ADGRL4: variants seen among roughly 807,000 people sequenced by gnomAD.
ADGRL4 encodes EGF, latrophilin and seven transmembrane domain containing 1.
A neutral mutation model predicts 74.8 loss-of-function variants in ADGRL4; 90 were observed. The observed-to-expected ratio is 1.20, with a 90% CI of 1.02 to 1.43. The LOEUF (loss-of-function observed/expected upper bound fraction) is 1.43. Ranked by LOEUF, ADGRL4 falls within the 40% of genes most tolerant of loss-of-function variation. ADGRL4 has a pLI of 0.00. For synonymous variants in ADGRL4, 311 were observed against 279.2 expected, an observed-to-expected ratio of 1.11 and a Z score of -1.14; for missense variants, 881 against 814.3, an observed-to-expected ratio of 1.08 and a Z score of -1.00.
chr1:78,891,145 T>A lies in ADGRL4; in HGVS notation c.*9A>T, dbSNP rs1263032962. 17 of 1,611,256 alleles carry A rather than the reference T, an allele frequency of 1.1e-5. No homozygotes were observed. The highest frequency in any genetic ancestry group is 1.4e-5 in the Non-Finnish European group (17 of 1,178,158). Reference sequence around the variant, plus strand: ...TTGTGCAGTTGTAATTATCCACCATTCTCTATGTTTACCTTAAACATCCAA... The same window carrying A: ...TTGTGCAGTTGTAATTATCCACCATACTCTATGTTTACCTTAAACATCCAA... On this transcript the variant is annotated 3_prime_UTR_variant, in exon 15 of 15. Transcript: ENST00000370742.
intron 12 of ADGRL4, 71 bp from the exon 13 acceptor site, chr1:78,893,260 T>G: frequency 1.1e-6 from 1 of 898,700 alleles, no homozygotes; most frequent in East Asian, 2.6e-5. Context: ...AGAAAATAAA[T>G]GGTAAAGATT....
chr1:78,892,339 C>T (rs927918262), intron 13 of ADGRL4, among the ~76,000 whole-genome samples: 4 of 152,224 alleles, frequency 2.6e-5, no homozygotes, highest in Non-Finnish European at 4.4e-5. Flanking sequence ...AGCAGAATGC[C>T]TGTGACTTTT....
At chr1:79,004,309 GGAT>G (rs1266219735) in intron 2 of ADGRL4, among the ~76,000 whole-genome samples, 2 of 151,936 alleles carry the variant, frequency 1.3e-5, no homozygotes, top group African/African-American at 4.8e-5. Flanking sequence ...GTTGGTCTAT[GGAT>G]CCAGTTAAAA....
chr1:78,974,592 G>T (rs941024249), intron 2 of ADGRL4, among the ~76,000 whole-genome samples: 1 of 152,084 alleles, frequency 6.6e-6, no homozygotes, highest in Admixed American at 6.6e-5. Context: ...AGATTTAGAC[G>T]TTGGAGACCA....
chr1:79,001,474 G>T (rs1177020657), intron 2 of ADGRL4, among the ~76,000 whole-genome samples: 1 of 152,064 alleles, frequency 6.6e-6, no homozygotes, highest in Non-Finnish European at 1.5e-5. Context: ...AAGCTACTAT[G>T]AAAAATAGCT....
In ADGRL4 at chr1:78,893,127, T is replaced by C. The variant is rs540641856; in HGVS notation, c.1812A>G (p.Lys604=). The C allele has an allele frequency of 8.1e-6, 13 of 1,599,980 alleles. No individual in the cohort carries two copies. The highest frequency in any genetic ancestry group is 1.1e-5 in the Non-Finnish European group (13 of 1,174,846). The change falls in exon 13 of 15, where the codon AAA becomes AAG. Residue 604 remains lysine (K), a synonymous_variant. Transcript: ENST00000370742. ...TGTTCTCAAAGCAACTAACTTCTGGTTTCAACCCTGCAGTGTGACGAAAAA... is the reference window on the plus strand; with the variant it reads ...TGTTCTCAAAGCAACTAACTTCTGGCTTCAACCCTGCAGTGTGACGAAAAA... ...YKVFRHTAGL[K]PEVSCFENIR...
chr1:79,005,165 G>A lies in ADGRL4; in HGVS notation c.77C>T (p.Pro26Leu), dbSNP rs1650932557. ...TTCACATTTTGCATTTGGGAGACAA[G>A]GTGTCTTGGTGCAATTTTGAGTATA... ...CSYTQNCTKT[P>L]CLPNAKCEIR... The change falls in exon 2 of 15, where the codon CCT becomes CTT. Residue 26 changes from proline (P) to leucine (L), a missense_variant. Coordinates refer to ENST00000370742, the MANE Select transcript of ADGRL4 (RefSeq NM_022159.4). 2 of 1,613,194 alleles carry A rather than the reference G, an allele frequency of 1.2e-6. No individual in the cohort carries two copies. Among genetic ancestry groups the A allele is most frequent in the African/African-American group, 1.3e-5 (1 of 74,836 alleles).
chr1:78,929,459 T>G (rs1649194584), intron 7 of ADGRL4, among the ~76,000 whole-genome samples: 1 of 151,432 alleles, frequency 6.6e-6, no homozygotes, highest in Non-Finnish European at 1.5e-5. Context: ...AAGACTGCAG[T>G]GAGCCATGAT....
intron 12 of ADGRL4, among the ~76,000 whole-genome samples, chr1:78,902,965 T>C (rs1648549301): frequency 6.6e-6 from 1 of 152,158 alleles, no homozygotes; most frequent in African/African-American, 2.4e-5. Context: ...TATAATCATT[T>C]CATGATAGTG....
chr1:78,925,253 C>G (rs1649087591), intron 8 of ADGRL4, among the ~76,000 whole-genome samples: 1 of 151,896 alleles, frequency 6.6e-6, no homozygotes. Context: ...TGACCATGAG[C>G]AAATTATTTA....
intron 2 of ADGRL4, among the ~76,000 whole-genome samples, chr1:78,993,456 A>G (rs115536262): frequency 0.017 from 2,517 of 152,300 alleles, 70 homozygotes; most frequent in African/African-American, 0.058. Context: ...GTTCATTGGA[A>G]GTGAATGATA....
At chr1:79,003,564 CA>C (rs989562269) in intron 2 of ADGRL4, among the ~76,000 whole-genome samples, 3 of 151,568 alleles carry the variant, frequency 2.0e-5, no homozygotes, top group African/African-American at 7.3e-5. Flanking sequence ...ACTTAGGCAG[CA>C]GGGGGAAAAC....
intron 2 of ADGRL4, among the ~76,000 whole-genome samples, chr1:79,003,706 A>C (rs540299461): frequency 2.0e-5 from 3 of 152,124 alleles, no homozygotes; most frequent in African/African-American, 7.2e-5. Flanking sequence ...TGGCAATTGA[A>C]AAGTATCTAA....
intron 7 of ADGRL4, among the ~76,000 whole-genome samples, chr1:78,927,721 ATAT>A (rs2100678370): frequency 6.6e-6 from 1 of 152,272 alleles, no homozygotes; most frequent in South Asian, 2.1e-4. Flanking sequence ...ATAAATACAA[ATAT>A]TAATATCATC....
chr1:78,926,921 G>A lies in ADGRL4; in HGVS notation c.1048C>T (p.Leu350Phe), dbSNP rs1485425961. ...CTTAATGTAAATGTTATTTTTTCAA[G>A]TTCATATAATGTGGGTGGGTTTGAG... ...MSSNPPTLYE[L>F]EKITFTLSHR... is the part of the protein sequence containing the mutation. The change falls in exon 8 of 15, where the codon CTT becomes TTT. Residue 350 changes from leucine (L) to phenylalanine (F), a missense_variant. Physicochemically the swap from Leu to Phe is conservative, Grantham distance 22. Transcript: ENST00000370742. 2 of 1,611,502 alleles carry A rather than the reference G, an allele frequency of 1.2e-6. No individual in the cohort carries two copies.
At position 78,891,620 on chromosome 1, in the gene ADGRL4, A is replaced by G. The variant is rs1288470364; in HGVS notation, c.1914T>C (p.Val638=). Residue 638 remains valine (V), a synonymous_variant, in exon 14 of 15, where the codon GTT becomes GTC. Coordinates refer to ENST00000370742, the MANE Select transcript of ADGRL4 (RefSeq NM_022159.4). ...AAGCTGTAACCACTGATGCGTGCAC[A>G]ACATGGAGAACCCCAAAGATCCAGG... is the stretch of plus-strand genomic sequence containing the variant. ...GTTWIFGVLH[V]VHASVVTAYL... 8 of 1,613,416 alleles carry G rather than the reference A, an allele frequency of 5.0e-6. No homozygotes were observed. The highest frequency in any genetic ancestry group is 6.8e-6 in the Non-Finnish European group (8 of 1,179,714).
At chr1:78,997,249 T>G (rs1445198653) in intron 2 of ADGRL4, among the ~76,000 whole-genome samples, 2 of 152,192 alleles carry the variant, frequency 1.3e-5, no homozygotes, top group African/African-American at 4.8e-5. Flanking sequence ...ATATCTTGAC[T>G]AATGCTGTCC....
intron 2 of ADGRL4, among the ~76,000 whole-genome samples, chr1:78,965,688 G>T (rs1295771886): frequency 6.6e-6 from 1 of 152,094 alleles, no homozygotes. Flanking sequence ...CATTGATTCA[G>T]CAACTATTAT....
At chr1:78,895,195 A>C (rs1012488291) in intron 12 of ADGRL4, among the ~76,000 whole-genome samples, 1 of 152,048 alleles carries the variant, frequency 6.6e-6, no homozygotes, top group Admixed American at 6.6e-5. Flanking sequence ...AAGGCGTTAT[A>C]GTTTCATGTT....
Sources: allele counts gnomAD v4.1 joint callset (sites outside exome capture counted in the v4.1 genomes callset), GRCh38; gene constraint gnomAD v4.1.1; transcripts MANE v1.5; gene names NCBI Gene and HGNC (gene_info 2026-07-23, HGNC 2026-07-21).